ZMAT4: variants seen among roughly 807,000 people sequenced by gnomAD.
ZMAT4 encodes zinc finger matrin-type 4.
In ZMAT4, 17 loss-of-function variants were observed where a neutral mutation model predicts 28.7. The observed-to-expected ratio is 0.59, with a 90% CI of 0.41 to 0.89. ZMAT4 has a LOEUF of 0.89. Ranked by LOEUF, ZMAT4 falls within the 40% of genes least tolerant of loss-of-function variation. The pLI is 0.00. For synonymous variants in ZMAT4, 117 were observed against 109.2 expected (o/e 1.07, Z -0.44); for missense variants, 240 against 283.8 (o/e 0.85, Z 1.11).
At chr8:40,593,722 T>G (rs1028017105) in intron 5 of ZMAT4, among the ~76,000 whole-genome samples, 1 of 152,208 alleles carries the variant, frequency 6.6e-6, no homozygotes, top group African/African-American at 2.4e-5. Flanking sequence ...AAGAAGATGC[T>G]AATTGTCAAT....
chr8:40,651,828 G>C, intron 5 of ZMAT4, among the ~76,000 whole-genome samples: 1 of 131,552 alleles, frequency 7.6e-6, no homozygotes, highest in Non-Finnish European at 1.6e-5. Context: ...ACAAGCAATG[G>C]GGAAAGGATT....
chr8:40,799,851 G>A (rs1814762550), intron 2 of ZMAT4, among the ~76,000 whole-genome samples: 1 of 152,184 alleles, frequency 6.6e-6, no homozygotes, highest in Non-Finnish European at 1.5e-5. Flanking sequence ...AAGGGGTATA[G>A]TGCTATTTGA....
intron 3 of ZMAT4, among the ~76,000 whole-genome samples, chr8:40,749,982 G>C (rs1812390259): frequency 6.6e-6 from 1 of 152,172 alleles, no homozygotes; most frequent in South Asian, 2.1e-4. Context: ...CACAGTAGGG[G>C]TTTGCCAGAC....
intron 1 of ZMAT4, among the ~76,000 whole-genome samples, chr8:40,837,417 C>T (rs1200038485): frequency 6.6e-6 from 1 of 152,172 alleles, no homozygotes; most frequent in African/African-American, 2.4e-5. Context: ...GGGAACTAAA[C>T]CTCTAAGGCA....
At chr8:40,826,206 G>A (rs1816033422) in intron 1 of ZMAT4, among the ~76,000 whole-genome samples, 1 of 151,988 alleles carries the variant, frequency 6.6e-6, no homozygotes, top group African/African-American at 2.4e-5. Context: ...ATAGAAAGTG[G>A]GTTAAATGAA....
chr8:40,812,005 C>T (rs1815339800), intron 2 of ZMAT4, among the ~76,000 whole-genome samples: 2 of 151,290 alleles, frequency 1.3e-5, no homozygotes, highest in South Asian at 4.2e-4. Context: ...GTGGTGCGCA[C>T]CTGTAATCCC....
intron 1 of ZMAT4, among the ~76,000 whole-genome samples, chr8:40,885,380 C>T (rs943280594): frequency 3.3e-5 from 5 of 152,154 alleles, no homozygotes; most frequent in South Asian, 2.1e-4. Flanking sequence ...TCTCCCTCCC[C>T]GCTGTTACCA....
At position 40,703,027 on chromosome 8, in the gene ZMAT4, A is replaced by ATATATATATT. The variant is rs1554542588; in HGVS notation, c.193-5627_193-5626insAATATATATA. On this transcript the variant is annotated intron_variant, in intron 3 of 6. Transcript: ENST00000297737. ...AAAGAAATTTACTATATATATATAT[A>ATATATATATT]TTCAATAAGGTGTCTCTAAACAGAA... Among the ~76,000 whole-genome samples, 319 of 152,100 alleles carry ATATATATATT rather than the reference A, an allele frequency of 2.1e-3. 3 individuals carry two copies. The highest frequency in any genetic ancestry group is 7.8e-3 in the East Asian group (40 of 5,148).
chr8:40,891,474 G>A (rs576714897), intron 1 of ZMAT4, among the ~76,000 whole-genome samples: 9 of 152,006 alleles, frequency 5.9e-5, no homozygotes, highest in Non-Finnish European at 1.0e-4. Flanking sequence ...CGCTCTTCCC[G>A]CATCTGCACC....
chr8:40,566,260 C>A (rs1180780205), intron 6 of ZMAT4, among the ~76,000 whole-genome samples: 1 of 152,084 alleles, frequency 6.6e-6, no homozygotes, highest in Non-Finnish European at 1.5e-5. Flanking sequence ...CTTGCATGCT[C>A]CAAAAGGTTG....
intron 1 of ZMAT4, among the ~76,000 whole-genome samples, chr8:40,894,208 A>T (rs1198106039): frequency 6.6e-6 from 1 of 152,218 alleles, no homozygotes; most frequent in Non-Finnish European, 1.5e-5. Flanking sequence ...CTGTGCTTCG[A>T]AGCATCTGCC....
chr8:40,773,131 T>C (rs1398123976), intron 2 of ZMAT4, among the ~76,000 whole-genome samples: 1 of 152,194 alleles, frequency 6.6e-6, no homozygotes, highest in Non-Finnish European at 1.5e-5. Flanking sequence ...GGAACTCTTT[T>C]CCAAATGGAT....
intron 1 of ZMAT4, among the ~76,000 whole-genome samples, chr8:40,862,844 T>C (rs918857120): frequency 6.6e-5 from 10 of 151,358 alleles, no homozygotes; most frequent in Non-Finnish European, 1.5e-4. Flanking sequence ...GGGGGAGGGC[T>C]AGCATTAGGA....
chr8:40,798,579 C>T (rs550519586), intron 2 of ZMAT4, among the ~76,000 whole-genome samples: 4 of 152,286 alleles, frequency 2.6e-5, no homozygotes, highest in Admixed American at 2.0e-4. Flanking sequence ...CACTTTAGAG[C>T]CACAGAGGTC....
intron 3 of ZMAT4, among the ~76,000 whole-genome samples, chr8:40,741,967 G>T (rs768231275): frequency 1.3e-5 from 2 of 152,132 alleles, no homozygotes; most frequent in Non-Finnish European, 2.9e-5. Flanking sequence ...ACCCAGGTAT[G>T]ATGGCTTACG....
In ZMAT4 at chr8:40,618,751, A is replaced by G. The variant is rs560709716; in HGVS notation, c.578-37490T>C. ...AGAGCAAGGGTCTGGCTCCCTCACGACAGCACTGCAGGCACCTGAAAAGCA... is the reference window on the plus strand; with the variant it reads ...AGAGCAAGGGTCTGGCTCCCTCACGGCAGCACTGCAGGCACCTGAAAAGCA... On this transcript the variant is annotated intron_variant, in intron 5 of 6. Transcript: ENST00000297737. Among the ~76,000 whole-genome samples, 6 of 152,016 alleles carry G rather than the reference A, an allele frequency of 3.9e-5. No individual in the cohort carries two copies. The East Asian group carries it at 1.2e-3, about 29-fold the overall frequency.
intron 6 of ZMAT4, among the ~76,000 whole-genome samples, chr8:40,574,849 TCCTGAGC>T (rs1307116151): frequency 1.3e-5 from 2 of 152,172 alleles, no homozygotes; most frequent in Non-Finnish European, 2.9e-5. Context: ...TCCTCACAAG[TCCTGAGC>T]CCAGTTTGAG....
intron 1 of ZMAT4, among the ~76,000 whole-genome samples, chr8:40,843,147 C>A (rs1179296631): frequency 6.6e-6 from 1 of 152,218 alleles, no homozygotes. Flanking sequence ...GACAGAGAGG[C>A]AAGGCCAAGA....
At chr8:40,579,129 A>G (rs1385949942) in intron 6 of ZMAT4, among the ~76,000 whole-genome samples, 1 of 152,242 alleles carries the variant, frequency 6.6e-6, no homozygotes, top group Admixed American at 6.5e-5. Context: ...TACCTAGCAC[A>G]GATTCTAGCC....
Sources: allele counts gnomAD v4.1 joint callset (sites outside exome capture counted in the v4.1 genomes callset), GRCh38; gene constraint gnomAD v4.1.1; transcripts MANE v1.5; gene names NCBI Gene and HGNC (gene_info 2026-07-23, HGNC 2026-07-21).